Variants in LPP observed in about 807,000 individuals in gnomAD.
The protein encoded by LPP is lipoma-preferred partner.
Under a neutral mutation model 60.4 loss-of-function variants are expected in LPP, and 38 were observed. The ratio of observed to expected loss-of-function variants is 0.63; its 90% confidence interval spans 0.49 to 0.83. LPP has a LOEUF of 0.83. Ranked by LOEUF, LPP falls within the 40% of genes least tolerant of loss-of-function variation. The pLI, the probability that LPP is intolerant of heterozygous loss-of-function variation, is 0.00. For synonymous variants in LPP, 328 were observed against 290.8 expected (o/e 1.13, Z -1.30); for missense variants, 902 against 783.6 (o/e 1.15, Z -1.80).
chr3:188,223,176 G>A (rs1716443798), intron 1 of LPP, among the ~76,000 whole-genome samples: 1 of 152,154 alleles, frequency 6.6e-6, no homozygotes, highest in Admixed American at 6.5e-5. Context: ...ATGTTTTGTG[G>A]TGTCAAAACC....
At position 188,609,036 on chromosome 3, in the gene LPP, T is replaced by C. The variant is rs1843067595; in HGVS notation, c.430-125T>C. 1.3e-6 allele frequency: 1 copy of C among 757,454 alleles called. No individual in the cohort carries two copies. Among genetic ancestry groups the C allele is most frequent in the South Asian group, 2.0e-5 (1 of 50,942 alleles). The allele number at this position is 757,454 out of a possible 1,614,324, so 46.9% of individuals were successfully genotyped here. On this transcript the variant is annotated intron_variant, in intron 6 of 11. Coordinates refer to ENST00000617246, the MANE Select transcript of LPP (RefSeq NM_001375462.1). The surrounding 1 kb of genome is among the most constrained non-coding windows in gnomAD (Gnocchi z 6.9). The stretch of plus-strand genomic sequence containing the variant: ...TTTGAAGGCAAGATTATGCCTTATT[T>C]GTGTTCTACATAGTAATAAATAATA...
intron 4 of LPP, among the ~76,000 whole-genome samples, chr3:188,407,553 C>T (rs6444286): frequency 0.85 from 129,900 of 152,126 alleles, 57,102 homozygotes; most frequent in East Asian, 0.99. Context: ...AAACAATAAA[C>T]GAAGCCTTTG....
chr3:188,449,188 T>A, intron 4 of LPP, among the ~76,000 whole-genome samples: 1 of 152,224 alleles, frequency 6.6e-6, no homozygotes. Flanking sequence ...TTCTCCCTTA[T>A]GTATACCAGA....
At chr3:188,839,844 C>T (rs1052701849) in intron 9 of LPP, among the ~76,000 whole-genome samples, 16 of 152,120 alleles carry the variant, frequency 1.1e-4, no homozygotes, top group African/African-American at 3.9e-4. Flanking sequence ...CTCCACTGCA[C>T]TCCAGCCTGG....
chr3:188,649,798 G>T (rs1447712864), intron 7 of LPP, among the ~76,000 whole-genome samples: 1 of 152,110 alleles, frequency 6.6e-6, no homozygotes, highest in African/African-American at 2.4e-5. Flanking sequence ...ATTAAGAAAT[G>T]GAGACAAAGC....
chr3:188,829,048 A>G (rs1312896744), intron 9 of LPP, among the ~76,000 whole-genome samples: 1 of 151,990 alleles, frequency 6.6e-6, no homozygotes, highest in African/African-American at 2.4e-5. Flanking sequence ...ATTTATCTCT[A>G]TACCCCCCAT....
At chr3:188,694,518 C>T (rs1862788149) in intron 7 of LPP, among the ~76,000 whole-genome samples, 1 of 151,874 alleles carries the variant, frequency 6.6e-6, no homozygotes, top group South Asian at 2.1e-4. Context: ...TCCTGACCAA[C>T]ATGGAGAAAC....
chr3:188,803,615 A>G (rs530980205), intron 9 of LPP, among the ~76,000 whole-genome samples: 19 of 152,360 alleles, frequency 1.2e-4, no homozygotes, highest in Non-Finnish European at 2.8e-4. Context: ...TACAGACCAT[A>G]TAAACCATAG....
intron 9 of LPP, among the ~76,000 whole-genome samples, chr3:188,841,393 G>GTTTTTTTTTTTTT (rs71169023): frequency 5.3e-5 from 6 of 112,872 alleles, no homozygotes; most frequent in East Asian, 3.3e-4. Context: ...TTCTGAATTT[G>GTTTTTTTTTTTTT]TTTTTTTTTT....
intron 9 of LPP, among the ~76,000 whole-genome samples, chr3:188,838,888 G>A (rs1379014933): frequency 1.3e-5 from 2 of 152,142 alleles, no homozygotes; most frequent in Non-Finnish European, 2.9e-5. Context: ...AGAAGGAGAG[G>A]ATTAGGACAA....
chr3:188,624,937 C>T (rs753293479), intron 7 of LPP, among the ~76,000 whole-genome samples: 2 of 151,606 alleles, frequency 1.3e-5, no homozygotes, highest in Non-Finnish European at 2.9e-5. Context: ...TTCTTTCCTT[C>T]TTCCTTTTTT....
chr3:188,402,027 G>A (rs909179478), intron 3 of LPP, among the ~76,000 whole-genome samples: 3 of 152,146 alleles, frequency 2.0e-5, no homozygotes, highest in African/African-American at 7.2e-5. Context: ...GAAAAGTACT[G>A]CAAAATGACC....
intron 9 of LPP, among the ~76,000 whole-genome samples, chr3:188,774,088 T>G (rs140273604): frequency 9.8e-5 from 15 of 152,352 alleles, no homozygotes; most frequent in Middle Eastern, 3.4e-3. Context: ...AAAATAGAAC[T>G]TTGAGCTCCT....
chr3:188,795,396 C>G (rs913751007), intron 9 of LPP, among the ~76,000 whole-genome samples: 1 of 152,176 alleles, frequency 6.6e-6, no homozygotes, highest in Non-Finnish European at 1.5e-5. Flanking sequence ...TTCAGAGACT[C>G]TGTCTTATTC....
chr3:188,682,684 C>A (rs1859791211), intron 7 of LPP, among the ~76,000 whole-genome samples: 1 of 152,164 alleles, frequency 6.6e-6, no homozygotes, highest in Non-Finnish European at 1.5e-5. Context: ...GGAGTAAACA[C>A]CCATGCAAAT....
chr3:188,671,510 T>C (rs2149260124), intron 7 of LPP, among the ~76,000 whole-genome samples: 1 of 152,280 alleles, frequency 6.6e-6, no homozygotes, highest in East Asian at 1.9e-4. Context: ...CCCCTCCCCC[T>C]TTCCCTTACT....
rs191423937 is a variant in LPP at position 188,186,718 on chromosome 3, A to G, written c.-190+32466A>G. Reference sequence around the variant, plus strand: ...TTCCCAAACCGGTTCCATTACCCATAGTCAACCACTTGTAACCATTTTTTG... The same window carrying G: ...TTCCCAAACCGGTTCCATTACCCATGGTCAACCACTTGTAACCATTTTTTG... On this transcript the variant is annotated intron_variant, in intron 1 of 11. Transcript: ENST00000617246. 2.6e-5 allele frequency among the ~76,000 whole-genome samples: 4 copies of G among 152,258 alleles called. No homozygotes were observed. The South Asian group carries it at 6.2e-4, about 24-fold the overall frequency.
At chr3:188,206,744 T>C (rs1351654443) in intron 1 of LPP, among the ~76,000 whole-genome samples, 3 of 152,216 alleles carry the variant, frequency 2.0e-5, no homozygotes, top group Admixed American at 6.5e-5. Context: ...TTGAGTTTGC[T>C]ATGTGAAGCA....
At chr3:188,521,637 A>C (rs1818903112) in intron 5 of LPP, among the ~76,000 whole-genome samples, 2 of 152,234 alleles carry the variant, frequency 1.3e-5, no homozygotes, top group African/African-American at 4.8e-5. Context: ...TGCTATAATT[A>C]ATGCTATTTA....
Sources: gnomAD v4.1 joint callset for allele counts (sites outside exome capture counted in the v4.1 genomes callset) on GRCh38, gnomAD v4.1.1 for gene constraint, Gnocchi (gnomAD v3.1) non-coding constraint, MANE v1.5 for transcripts, NCBI Gene and HGNC (gene_info 2026-07-23, HGNC 2026-07-21) for gene names.